GINS4: variants seen among roughly 807,000 people sequenced by gnomAD.
The protein encoded by GINS4 is GINS complex subunit 4, also known as DNA replication complex GINS protein SLD5.
GINS4 carries 20 observed loss-of-function variants against 31.1 expected under a neutral mutation model. The observed-to-expected ratio is 0.64, with a 90% CI of 0.45 to 0.93. GINS4 has a LOEUF of 0.93. Among genes scored for constraint, GINS4 ranks in the 40% least tolerant of loss-of-function variants. The probability of loss-of-function intolerance (pLI) is 0.00; values close to 1 mark genes in which losing one functional copy is unlikely to be tolerated. For missense variants in GINS4, 245 were observed against 273.9 expected, an observed-to-expected ratio of 0.89 and a Z score of 0.75; for synonymous variants, 85 against 97.9, an observed-to-expected ratio of 0.87 and a Z score of 0.78.
intron 3 of GINS4, 71 bp from the exon 4 acceptor site, chr8:41,537,109 G>C: frequency 1.1e-6 from 1 of 885,142 alleles, no homozygotes; most frequent in South Asian, 1.4e-5. Flanking sequence ...ACATAGTCTG[G>C]GTCCTCAACG....
intron 2 of GINS4, 67 bp downstream of exon 2, chr8:41,530,365 A>G (rs1241348520): frequency 6.3e-6 from 7 of 1,118,062 alleles, no homozygotes; most frequent in Non-Finnish European, 9.3e-6. Flanking sequence ...TGTGAATATC[A>G]GGGATCACAA....
chr8:41,530,434 A>C (rs905844811), intron 2 of GINS4, 136 bp downstream of exon 2: 43 of 627,842 alleles, frequency 6.8e-5, no homozygotes, highest in East Asian at 3.9e-4. Flanking sequence ...TACCATCTAC[A>C]TGGAAACGGG....
Position 41,542,137 on chromosome 8 carries a change from A to G in GINS4, c.*50A>G, listed in dbSNP as rs1435901551. On this transcript the variant is annotated 3_prime_UTR_variant, in exon 8 of 8. Coordinates refer to ENST00000276533, the MANE Select transcript of GINS4 (RefSeq NM_032336.3). ...GGTGACTCAAGCCTGTAATCCCAGC[A>G]CTTTGGGAGGCCGAGGCGGGCGGAT... The G allele has an allele frequency of 1.4e-6, 2 of 1,431,718 alleles. No homozygotes were observed. The highest frequency in any genetic ancestry group is 2.0e-6 in the Non-Finnish European group (2 of 1,014,726). The allele number at this position is 1,431,718 out of a possible 1,614,324, so 88.7% of individuals were successfully genotyped here.
At chr8:41,530,869 G>T (rs1180044275) in intron 2 of GINS4, among the ~76,000 whole-genome samples, 3 of 152,118 alleles carry the variant, frequency 2.0e-5, no homozygotes, top group Non-Finnish European at 2.9e-5. Context: ...TGATGCTCTG[G>T]TAACAGGAGT....
At chr8:41,535,116 T>C (rs1164140099) in intron 2 of GINS4, among the ~76,000 whole-genome samples, 1 of 151,976 alleles carries the variant, frequency 6.6e-6, no homozygotes, top group Non-Finnish European at 1.5e-5. Flanking sequence ...GGCAGGTGGA[T>C]CACTTGAGGT....
chr8:41,544,477 A>G lies in GINS4; in HGVS notation c.*2390A>G, dbSNP rs1023221411. On this transcript the variant is annotated 3_prime_UTR_variant, in exon 8 of 8. Coordinates refer to ENST00000276533, the MANE Select transcript of GINS4 (RefSeq NM_032336.3). The stretch of plus-strand genomic sequence containing the variant: ...AGAACAGTGTGCTTCCTAAGCCTTA[A>G]TGTGCATACCCATCGCCTGGAGCTC... The G allele has an allele frequency of 6.6e-6, 1 of 152,176 alleles. No homozygotes were observed. The highest frequency in any genetic ancestry group is 2.4e-5 in the African/African-American group (1 of 41,442). 9.4% of individuals were successfully genotyped at this position (152,176 alleles called of 1,614,324 possible).
rs1417947496 is a variant in GINS4 at position 41,539,718 on chromosome 8, C to T, written c.338C>T (p.Thr113Ile). The stretch of plus-strand genomic sequence containing the variant: ...CCTCATGTCCTTGAGAAGGAAAAAA[C>T]ACGTCCTGAGGGGGAGCCTTCCAGC... ...FFPHVLEKEK[T>I]RPEGEPSSLS... Residue 113 changes from threonine to isoleucine, a missense_variant, in exon 5 of 8, where the codon ACA becomes ATA. Transcript: ENST00000276533. The T allele has an allele frequency of 2.5e-6, 4 of 1,613,516 alleles. No individual in the cohort carries two copies. Among genetic ancestry groups the T allele is most frequent in the Non-Finnish European group, 3.4e-6 (4 of 1,179,826 alleles).
chr8:41,534,241 T>C lies in GINS4; in HGVS notation c.97-2119T>C, dbSNP rs1563253777. 4.7e-6 allele frequency: 2 copies of C among 424,710 alleles called. 1 individual carries two copies. Among genetic ancestry groups the C allele is most frequent in the Non-Finnish European group, 9.5e-6 (2 of 211,450 alleles). The allele number at this position is 424,710 out of a possible 1,614,324, so 26.3% of individuals were successfully genotyped here. On this transcript the variant is annotated intron_variant, in intron 2 of 7. Coordinates refer to ENST00000276533, the MANE Select transcript of GINS4 (RefSeq NM_032336.3). ...CAACATGGTAAAACCCCATCTTTAT[T>C]AAAAAAAATTTAAAAATTAGCCAGG...
At chr8:41,534,417 T>TAA (rs770382527) in intron 2 of GINS4, 4 of 146,350 alleles carry the variant, frequency 2.7e-5, no homozygotes, top group Admixed American at 7.0e-5. Context: ...AAACCTGAGT[T>TAA]AAAAAAAAAA....
intron 2 of GINS4, 131 bp from the exon 3 acceptor site, chr8:41,536,229 T>C: frequency 1.4e-6 from 1 of 721,290 alleles, no homozygotes; most frequent in East Asian, 2.6e-5. Flanking sequence ...ACACCTTCAA[T>C]GTTTCCAGTT....
chr8:41,541,780 T>A (rs763136903), intron 6 of GINS4, 29 bp from the exon 7 acceptor site: 1 of 1,578,330 alleles, frequency 6.3e-7, no homozygotes, highest in Non-Finnish European at 8.7e-7. Context: ...GCCGAGGATT[T>A]CCTAATCACA....
intron 4 of GINS4, 141 bp downstream of exon 4, chr8:41,537,434 A>T (rs533031692): frequency 3.1e-5 from 19 of 603,520 alleles, no homozygotes; most frequent in Non-Finnish European, 5.0e-5. Flanking sequence ...CATGTAGCTA[A>T]ACTGTAAGGA....
chr8:41,540,449 A>G, intron 6 of GINS4: 1 of 182,980 alleles, frequency 5.5e-6, no homozygotes, highest in Non-Finnish European at 1.2e-5. Flanking sequence ...GGCTAGGGAG[A>G]CCTCCAGTGA....
At chr8:41,530,355 T>C in intron 2 of GINS4, 57 bp downstream of exon 2, 1 of 1,236,100 alleles carries the variant, frequency 8.1e-7, no homozygotes, top group African/African-American at 1.5e-5. Context: ...TTAGTTCAAC[T>C]GTGAATATCA....
At chr8:41,540,374 T>G in intron 6 of GINS4, 2 of 268,164 alleles carry the variant, frequency 7.5e-6, no homozygotes, top group Non-Finnish European at 1.5e-5. Flanking sequence ...GGGCTGGCCA[T>G]CTCTTCGTCA....
chr8:41,541,195 A>G (rs1364248217), intron 6 of GINS4, among the ~76,000 whole-genome samples: 1 of 152,106 alleles, frequency 6.6e-6, no homozygotes, highest in African/African-American at 2.4e-5. Flanking sequence ...TCAGCTTCCC[A>G]AGTAGCTGGA....
At chr8:41,538,848 G>A (rs1346254429) in intron 4 of GINS4, among the ~76,000 whole-genome samples, 1 of 151,774 alleles carries the variant, frequency 6.6e-6, no homozygotes, top group Non-Finnish European at 1.5e-5. Context: ...GGGATTACAT[G>A]CCCCTGCCAC....
chr8:41,530,313 T>A lies in GINS4; in HGVS notation c.96+15T>A. ...GATTGGAGCAGGTAAGCATCCCAGA[T>A]CGAATCCCTTTGCTCCAGTCAGCCT... On this transcript the variant is annotated intron_variant, in intron 2 of 7. Coordinates refer to ENST00000276533, the MANE Select transcript of GINS4 (RefSeq NM_032336.3). The A allele has an allele frequency of 6.3e-7, 1 of 1,580,968 alleles. No individual in the cohort carries two copies. The highest frequency in any genetic ancestry group is 8.7e-7 in the Non-Finnish European group (1 of 1,153,182).
At chr8:41,535,360 A>G (rs768139034) in intron 2 of GINS4, among the ~76,000 whole-genome samples, 8 of 152,154 alleles carry the variant, frequency 5.3e-5, no homozygotes, top group Non-Finnish European at 1.0e-4. Flanking sequence ...AAATTATTCA[A>G]TATTTAATAA....
Sources: allele counts gnomAD v4.1 joint callset (sites outside exome capture counted in the v4.1 genomes callset), GRCh38; gene constraint gnomAD v4.1.1; transcripts MANE v1.5; gene names NCBI Gene and HGNC (gene_info 2026-07-23, HGNC 2026-07-21).